The following WWOX variants were observed in gnomAD, a reference collection of about 807,000 sequenced individuals.
WWOX encodes the protein WW domain containing oxidoreductase.
A neutral mutation model predicts 46.2 loss-of-function variants in WWOX; 69 were observed. The ratio of observed to expected loss-of-function variants is 1.49; its 90% CI spans 1.23 to 1.82. The LOEUF (loss-of-function observed/expected upper bound fraction) is 1.82, where lower values mean the gene tolerates loss of function less well. Among genes scored for constraint, WWOX ranks in the 40% most tolerant of loss-of-function variants. The probability of loss-of-function intolerance (pLI) is 0.00; values close to 1 mark genes in which losing one functional copy is unlikely to be tolerated. For synonymous variants in WWOX, 359 were observed against 202.6 expected (o/e 1.77, Z -6.56); for missense variants, 919 against 542.6 (o/e 1.69, Z -6.89).
chr16:78,823,008 A>C (rs1311735978), intron 8 of WWOX, among the ~76,000 whole-genome samples: 1 of 152,242 alleles, frequency 6.6e-6, no homozygotes, highest in Non-Finnish European at 1.5e-5. Context: ...CTGTTAAAGA[A>C]ATATTGGATT....
chr16:78,610,056 C>A (rs759601216), intron 8 of WWOX, among the ~76,000 whole-genome samples: 2 of 148,850 alleles, frequency 1.3e-5, no homozygotes, highest in South Asian at 2.2e-4. Context: ...ATTGCGATCT[C>A]GCTGGAAAGA....
intron 5 of WWOX, among the ~76,000 whole-genome samples, chr16:78,226,528 TCTC>T (rs934363333): frequency 3.0e-4 from 41 of 134,456 alleles, no homozygotes; most frequent in Non-Finnish European, 4.1e-4. Flanking sequence ...CTTCTCTCCT[TCTC>T]CTCCTCCTCC....
intron 8 of WWOX, among the ~76,000 whole-genome samples, chr16:79,021,873 G>A (rs764358399): frequency 2.1e-4 from 32 of 152,164 alleles, no homozygotes; most frequent in Non-Finnish European, 4.1e-4. Context: ...TTATAAAGGA[G>A]CAGGAGGTTT....
chr16:78,783,908 GTGA>G (rs1365765834), intron 8 of WWOX, among the ~76,000 whole-genome samples: 4 of 149,788 alleles, frequency 2.7e-5, no homozygotes, highest in African/African-American at 7.4e-5. Context: ...GATGACGATG[GTGA>G]TGATGATGTC....
In WWOX at chr16:78,765,572, G is replaced by A. The variant is rs534729008; in HGVS notation, c.1056+332820G>A. Among the ~76,000 whole-genome samples, 34 of 152,164 alleles carry A rather than the reference G, an allele frequency of 2.2e-4. No homozygotes were observed. The South Asian group carries it at 4.2e-3, about 19-fold the overall frequency. ...CGGGCGCCTGTAATCCTGGCTACTC[G>A]GGAGGCTGAGGTGGGAGAATTGCTT... is the stretch of plus-strand genomic sequence containing the variant. On this transcript the variant is annotated intron_variant, in intron 8 of 8. Coordinates refer to ENST00000566780, the MANE Select transcript of WWOX (RefSeq NM_016373.4).
intron 8 of WWOX, among the ~76,000 whole-genome samples, chr16:79,116,876 G>C (rs139986090): frequency 6.6e-6 from 1 of 151,964 alleles, no homozygotes; most frequent in South Asian, 2.1e-4. Context: ...GCACCTGTAG[G>C]CTTCTAAAAT....
At chr16:78,452,652 T>C (rs993984794) in intron 8 of WWOX, among the ~76,000 whole-genome samples, 1 of 151,550 alleles carries the variant, frequency 6.6e-6, no homozygotes, top group African/African-American at 2.4e-5. Context: ...ATTATTATGT[T>C]TTTAATAGAG....
At chr16:79,141,235 T>A (rs2050083238) in intron 8 of WWOX, among the ~76,000 whole-genome samples, 1 of 152,196 alleles carries the variant, frequency 6.6e-6, no homozygotes, top group Non-Finnish European at 1.5e-5. Context: ...CCCCTCCTCA[T>A]TTCAAGTCTT....
chr16:78,856,215 A>G (rs1156296893), intron 8 of WWOX, among the ~76,000 whole-genome samples: 4 of 152,292 alleles, frequency 2.6e-5, no homozygotes, highest in Non-Finnish European at 4.4e-5. Flanking sequence ...GAGGAAAATG[A>G]TAAGGATTTA....
rs140744861 is a variant in WWOX at position 78,217,596 on chromosome 16, A to C, written c.516+53307A>C. ...GATGCTGGGCTTCCGACCTTAATAG[A>C]GACCGAGAAACTTAACAGAGGGCTC... On this transcript the variant is annotated intron_variant, in intron 5 of 8. Coordinates refer to ENST00000566780, the MANE Select transcript of WWOX (RefSeq NM_016373.4). Among the ~76,000 whole-genome samples the C allele has an allele frequency of 5.3e-5, 8 of 152,286 alleles. No homozygotes were observed. In the East Asian group the frequency reaches 1.5e-3, roughly 29 times the overall value.
chr16:79,025,073 C>T (rs1296267484), intron 8 of WWOX, among the ~76,000 whole-genome samples: 2 of 152,104 alleles, frequency 1.3e-5, no homozygotes, highest in Non-Finnish European at 2.9e-5. Context: ...GTCCCTCCCT[C>T]CCCATTCCAC....
chr16:79,133,543 C>A (rs2049923803), intron 8 of WWOX, among the ~76,000 whole-genome samples: 1 of 152,170 alleles, frequency 6.6e-6, no homozygotes, highest in African/African-American at 2.4e-5. Flanking sequence ...ATGTTCTTTT[C>A]TTTTTCCTTC....
At chr16:78,110,375 G>C (rs1377273487) in intron 3 of WWOX, among the ~76,000 whole-genome samples, 1 of 149,786 alleles carries the variant, frequency 6.7e-6, no homozygotes, top group Admixed American at 6.7e-5. Flanking sequence ...GGAATGCACT[G>C]TGTGGACTGT....
rs376560613 is a variant in WWOX at position 78,432,570 on chromosome 16, G to T, written c.874G>T (p.Ala292Ser). The T allele has an allele frequency of 7.4e-6, 12 of 1,614,032 alleles. No homozygotes were observed. In the African/African-American group the frequency reaches 1.5e-4, roughly 20 times the overall value. ...AAAAAACGACTATTGGGCGATGCTG[G>T]CTTATAACAGGTCCAAGCTCTGCAA... ...PTKNDYWAMLAYNRSKLCNIL... is the reference protein window; with the variant it reads ...PTKNDYWAMLSYNRSKLCNIL... The change falls in exon 8 of 9, where the codon GCT (alanine) becomes TCT (serine). Residue 292 changes from alanine (A) to serine (S), a missense_variant. Physicochemically the swap from Ala to Ser is moderately conservative, Grantham distance 99 (BLOSUM62 1). Transcript: ENST00000566780.
chr16:78,913,986 T>C (rs956459859), intron 8 of WWOX, among the ~76,000 whole-genome samples: 2 of 152,064 alleles, frequency 1.3e-5, no homozygotes, highest in African/African-American at 4.8e-5. Flanking sequence ...GACAAGAAAT[T>C]GTACCAGGAA....
At chr16:78,909,281 A>G (rs2045047407) in intron 8 of WWOX, among the ~76,000 whole-genome samples, 1 of 152,186 alleles carries the variant, frequency 6.6e-6, no homozygotes, top group African/African-American at 2.4e-5. Context: ...AGAGACAGGC[A>G]CTTGTAAATG....
intron 8 of WWOX, among the ~76,000 whole-genome samples, chr16:78,823,064 T>A (rs7197765): frequency 0.28 from 42,764 of 152,118 alleles, 6,179 homozygotes; most frequent in African/African-American, 0.35. Flanking sequence ...TTGCATGCTT[T>A]GAAGTTTGAA....
At chr16:78,559,164 C>G (rs2044374587) in intron 8 of WWOX, among the ~76,000 whole-genome samples, 1 of 152,180 alleles carries the variant, frequency 6.6e-6, no homozygotes, top group Non-Finnish European at 1.5e-5. Flanking sequence ...GCAGTTACAG[C>G]AAGATTCTAG....
chr16:78,392,818 A>G (rs2082204991), intron 6 of WWOX, among the ~76,000 whole-genome samples: 1 of 152,122 alleles, frequency 6.6e-6, no homozygotes, highest in Non-Finnish European at 1.5e-5. Flanking sequence ...CAGGCCCAGC[A>G]CGTCCTGACC....
Sources: allele counts gnomAD v4.1 joint callset (sites outside exome capture counted in the v4.1 genomes callset), GRCh38; gene constraint gnomAD v4.1.1; transcripts MANE v1.5; gene names NCBI Gene and HGNC (gene_info 2026-07-23, HGNC 2026-07-21).